Variants in SLC25A26 observed in about 807,000 individuals in gnomAD.
SLC25A26 encodes the protein solute carrier family 25 member 26.
In SLC25A26, 36 loss-of-function variants were observed where a neutral mutation model predicts 37.8. The observed-to-expected ratio is 0.95, with a 90% CI of 0.73 to 1.26. SLC25A26 has a LOEUF of 1.26. Ranked by LOEUF, SLC25A26 falls within the 50% of genes most tolerant of loss-of-function variation. The pLI is 0.00. For missense variants in SLC25A26, 390 were observed against 331.1 expected (o/e 1.18, Z -1.38); for synonymous variants, 129 against 122.5 (o/e 1.05, Z -0.35).
At position 66,299,318 on chromosome 3, in the gene SLC25A26, G is replaced by A. The variant is rs1277185386; in HGVS notation, c.453+35939G>A. On this transcript the variant is annotated intron_variant, in intron 5 of 9. Transcript: ENST00000354883. Reference sequence around the variant, plus strand: ...AGCGATTCTCATGTCTCAGCCTCCCGAGTAGCTGGGACTACAGATGTGTGC... The same window carrying A: ...AGCGATTCTCATGTCTCAGCCTCCCAAGTAGCTGGGACTACAGATGTGTGC... Among the ~76,000 whole-genome samples the A allele has an allele frequency of 5.3e-5, 8 of 151,952 alleles. 1 individual carries two copies. Among genetic ancestry groups the A allele is most frequent in the Admixed American group, 3.3e-4 (5 of 15,250 alleles).
intron 5 of SLC25A26, among the ~76,000 whole-genome samples, chr3:66,313,884 T>A (rs754626715): frequency 5.3e-5 from 8 of 152,176 alleles, no homozygotes; most frequent in Non-Finnish European, 1.0e-4. Context: ...TTGTAGCAAT[T>A]GTGAATGGGA....
intron 1 of SLC25A26, among the ~76,000 whole-genome samples, chr3:66,203,554 C>G (rs1257561228): frequency 6.6e-6 from 1 of 152,132 alleles, no homozygotes; most frequent in East Asian, 1.9e-4. Flanking sequence ...GGTGCTAATA[C>G]ATAGATGTTT....
At chr3:66,215,951 T>C (rs1163868975) in intron 1 of SLC25A26, among the ~76,000 whole-genome samples, 1 of 152,190 alleles carries the variant, frequency 6.6e-6, no homozygotes, top group Non-Finnish European at 1.5e-5. Context: ...AGATTCGGTG[T>C]CTGGGGAGGG....
intron 5 of SLC25A26, among the ~76,000 whole-genome samples, chr3:66,271,021 G>A (rs1239913227): frequency 6.6e-6 from 1 of 152,310 alleles, no homozygotes; most frequent in Non-Finnish European, 1.5e-5. Context: ...TGGTTTATGG[G>A]ATGTAAATGC....
At position 66,188,512 on chromosome 3, in the gene SLC25A26, C is replaced by T. The variant is rs1426182827; in HGVS notation, c.-353-32230C>T. Among the ~76,000 whole-genome samples the T allele has an allele frequency of 9.9e-5, 15 of 152,124 alleles. 1 individual carries two copies. The highest frequency in any genetic ancestry group is 3.6e-4 in the African/African-American group (15 of 41,522). ...GGTTGTTAAAAGGAGCCCGGTACCT[C>T]CCCTTCTACTCTCCCTCACTCCCTC... On this transcript the variant is annotated intron_variant, in intron 1 of 10. Transcript: ENST00000676754.
chr3:66,223,432 A>C (rs1384589590), intron 1 of SLC25A26, among the ~76,000 whole-genome samples: 1 of 152,116 alleles, frequency 6.6e-6, no homozygotes, highest in Non-Finnish European at 1.5e-5. Context: ...GGCTAGGGAA[A>C]ATAATTTGGA....
chr3:66,294,330 G>A (rs1299937926), intron 5 of SLC25A26, among the ~76,000 whole-genome samples: 3 of 152,080 alleles, frequency 2.0e-5, no homozygotes, highest in Non-Finnish European at 4.4e-5. Context: ...TGGCTTGCCG[G>A]TGTATAGGAA....
At chr3:66,233,872 A>G (rs901022624) in intron 1 of SLC25A26, among the ~76,000 whole-genome samples, 2 of 152,318 alleles carry the variant, frequency 1.3e-5, no homozygotes, top group Admixed American at 6.5e-5. Flanking sequence ...TAGAGAATCA[A>G]TACATGTAAG....
At chr3:66,206,730 T>A (rs2071183088) in intron 1 of SLC25A26, among the ~76,000 whole-genome samples, 1 of 147,890 alleles carries the variant, frequency 6.8e-6, no homozygotes, top group African/African-American at 2.5e-5. Context: ...TTAGACAGAG[T>A]CTTGCTGTAT....
At chr3:66,250,999 C>T (rs2073062315) in intron 3 of SLC25A26, among the ~76,000 whole-genome samples, 2 of 152,058 alleles carry the variant, frequency 1.3e-5, no homozygotes, top group East Asian at 3.9e-4. Flanking sequence ...GCAGGAGTCT[C>T]AGTTATAGTA....
At chr3:66,315,295 G>A (rs1359973441) in intron 5 of SLC25A26, among the ~76,000 whole-genome samples, 2 of 151,966 alleles carry the variant, frequency 1.3e-5, no homozygotes, top group African/African-American at 2.4e-5. Context: ...CTGCAAATCT[G>A]TGTCCCAGAG....
chr3:66,233,322 T>G (rs976720173), intron 1 of SLC25A26, among the ~76,000 whole-genome samples: 2 of 152,252 alleles, frequency 1.3e-5, no homozygotes, highest in Non-Finnish European at 2.9e-5. Context: ...ATTTTATCTA[T>G]AAGATATTGA....
chr3:66,327,361 A>G (rs28570135), intron 5 of SLC25A26, among the ~76,000 whole-genome samples: 3,493 of 152,264 alleles, frequency 0.023, 150 homozygotes, highest in African/African-American at 0.08. Flanking sequence ...TGACTCCAGG[A>G]TAAAAACACA....
intron 1 of SLC25A26, among the ~76,000 whole-genome samples, chr3:66,142,637 G>T (rs1242363375): frequency 6.6e-6 from 1 of 152,148 alleles, no homozygotes; most frequent in Admixed American, 6.5e-5. Context: ...CAATGGTACT[G>T]CTGCCTGACT....
At position 66,236,677 on chromosome 3, in the gene SLC25A26, C is replaced by T; in HGVS notation, c.167C>T (p.Ala56Val). 6.6e-7 allele frequency: 1 copy of T among 1,524,142 alleles called. No individual in the cohort carries two copies. Among genetic ancestry groups the T allele is most frequent in the Non-Finnish European group, 8.8e-7 (1 of 1,137,908 alleles). The allele number at this position is 1,524,142 out of a possible 1,614,324, so 94.4% of individuals were successfully genotyped here. A position where few individuals can be genotyped will look rare whatever the true frequency, so the allele number is the denominator to read the frequency against. The change falls in exon 2 of 10, where the codon GCT (alanine) becomes GTT (valine). Residue 56 changes from alanine (A) to valine (V), a missense_variant. Transcript: ENST00000354883. ...FHGIYAGVPS[A>V]AIGSFPNAAA... is the part of the protein sequence containing the mutation. ...GGAATATATGCTGGCGTTCCTTCTG[C>T]TGCTATTGGATCCTTTCCTAATGGT...
At chr3:66,333,839 A>AAAAC (rs71105982) in intron 5 of SLC25A26, among the ~76,000 whole-genome samples, 73,304 of 151,324 alleles carry the variant, frequency 0.48, 18,121 homozygotes, top group East Asian at 0.74. Context: ...AGAAAAACAA[A>AAAAC]AAACAAACAA....
At chr3:66,296,660 A>C (rs2074911349) in intron 5 of SLC25A26, among the ~76,000 whole-genome samples, 1 of 152,200 alleles carries the variant, frequency 6.6e-6, no homozygotes, top group African/African-American at 2.4e-5. Flanking sequence ...TATTAGCTAA[A>C]TATTATATTT....
chr3:66,323,593 C>T (rs1339561961), intron 5 of SLC25A26, among the ~76,000 whole-genome samples: 1 of 152,050 alleles, frequency 6.6e-6, no homozygotes, highest in African/African-American at 2.4e-5. Context: ...ATTGGTTGAG[C>T]CTTAGGAGTT....
intron 5 of SLC25A26, among the ~76,000 whole-genome samples, chr3:66,338,169 A>G (rs1016058468): frequency 1.3e-5 from 2 of 151,996 alleles, no homozygotes; most frequent in Non-Finnish European, 1.5e-5. Context: ...TGTTACAGCA[A>G]TGTATCAATA....
Sources: gnomAD v4.1 joint callset for allele counts (sites outside exome capture counted in the v4.1 genomes callset) on GRCh38, gnomAD v4.1.1 for gene constraint, MANE v1.5 for transcripts, NCBI Gene and HGNC (gene_info 2026-07-23, HGNC 2026-07-21) for gene names.